METTL14: variants seen among roughly 807,000 people sequenced by gnomAD.
METTL14 encodes N(6)-adenosine-methyltransferase non-catalytic subunit METTL14.
A neutral mutation model predicts 62.4 loss-of-function variants in METTL14; 32 were observed. The observed-to-expected ratio is 0.51, with a 90% confidence interval of 0.39 to 0.69. The LOEUF (loss-of-function observed/expected upper bound fraction) is 0.69, where lower values mean the gene tolerates loss of function less well. Among genes scored for constraint, METTL14 ranks in the 30% least tolerant of loss-of-function variants. The pLI, the probability that METTL14 is intolerant of heterozygous loss-of-function variation, is 0.00. For synonymous variants in METTL14, 150 were observed against 180.0 expected (o/e 0.83, Z 1.34); for missense variants, 340 against 551.9 (o/e 0.62, Z 3.85).
intron 10 of METTL14, among the ~76,000 whole-genome samples, chr4:118,707,247 C>T (rs1432490542): frequency 6.6e-6 from 1 of 151,908 alleles, no homozygotes; most frequent in East Asian, 1.9e-4. Context: ...GAAAGAAACT[C>T]TTGCAAAAAT....
chr4:118,692,417 C>T (rs922291605), intron 5 of METTL14, among the ~76,000 whole-genome samples: 11 of 151,410 alleles, frequency 7.3e-5, no homozygotes, highest in African/African-American at 2.2e-4. Flanking sequence ...TTAGTAGAGA[C>T]GAGGTTTCAC....
At chr4:118,687,789 TTGTGTGTG>T (rs58763837) in intron 1 of METTL14, 126 bp from the exon 2 acceptor site, 17 of 578,524 alleles carry the variant, frequency 2.9e-5, no homozygotes, top group Non-Finnish European at 4.8e-5. Flanking sequence ...ATTCATTGTT[TTGTGTGTG>T]TGTGTGTGTG....
chr4:118,705,833 G>C lies in METTL14; in HGVS notation c.1066+12G>C. The C allele has an allele frequency of 6.3e-7, 1 of 1,592,942 alleles. No homozygotes were observed. Among genetic ancestry groups the C allele is most frequent in the African/African-American group, 1.3e-5 (1 of 74,396 alleles). ...TACAATTCGACCAGGTAGGACCTCA[G>C]TTAACAACAACTTTTATGATTCTTT... On this transcript the variant is annotated intron_variant, in intron 10 of 10. Transcript: ENST00000388822.
rs899680259 is a variant in METTL14 at position 118,713,867 on chromosome 4, G to A, written c.*3565G>A. ...CTCTCAATAACTCTATCATTTACTCGTATAAATATTGCTAGCTGTAATGCA... is the reference window on the plus strand; with the variant it reads ...CTCTCAATAACTCTATCATTTACTCATATAAATATTGCTAGCTGTAATGCA... On this transcript the variant is annotated 3_prime_UTR_variant, in exon 11 of 11. Coordinates refer to ENST00000388822, the MANE Select transcript of METTL14 (RefSeq NM_020961.4). The A allele has an allele frequency of 4.6e-5, 7 of 152,232 alleles. No individual in the cohort carries two copies. The highest frequency in any genetic ancestry group is 6.5e-5 in the Admixed American group (1 of 15,300). 9.4% of individuals were successfully genotyped at this position (152,232 alleles called of 1,614,324 possible).
chr4:118,686,322 A>G (rs1188975381), intron 1 of METTL14, among the ~76,000 whole-genome samples: 1 of 152,238 alleles, frequency 6.6e-6, no homozygotes, highest in Non-Finnish European at 1.5e-5. Context: ...TGTATGAGTA[A>G]GTTAACATTT....
Position 118,692,114 on chromosome 4 carries a change from CA to C in METTL14, c.412+47del, listed in dbSNP as rs759470258. ...CTACGCTATTGCTGACTCTCAATTA[CA>C]TGCATGTAATTTATCCAATTTGTGG... On this transcript the variant is annotated intron_variant, in intron 5 of 10. Transcript: ENST00000388822. 2.1e-4 allele frequency: 233 copies of C among 1,084,626 alleles called. 1 individual carries two copies. Among genetic ancestry groups the C allele is most frequent in the Admixed American group, 8.6e-5 (4 of 46,760 alleles). 67.2% of individuals were successfully genotyped at this position (1,084,626 alleles called of 1,614,324 possible).
chr4:118,700,951 A>G (rs1186776496), intron 8 of METTL14, among the ~76,000 whole-genome samples: 2 of 152,158 alleles, frequency 1.3e-5, no homozygotes, highest in African/African-American at 4.8e-5. Flanking sequence ...GGTATCATTT[A>G]CAATTCTTTA....
chr4:118,685,974 C>CT (rs1724043180), intron 1 of METTL14, among the ~76,000 whole-genome samples: 1 of 152,144 alleles, frequency 6.6e-6, no homozygotes, highest in East Asian at 1.9e-4. Context: ...GCCCCAAATT[C>CT]TTGAGATTGT....
chr4:118,695,519 A>G (rs1433140136), intron 6 of METTL14, among the ~76,000 whole-genome samples: 1 of 152,158 alleles, frequency 6.6e-6, no homozygotes, highest in Non-Finnish European at 1.5e-5. Flanking sequence ...ATTGCACTTT[A>G]GCCTGGGTGA....
chr4:118,701,663 C>T (rs1273559385), intron 8 of METTL14, among the ~76,000 whole-genome samples: 1 of 152,114 alleles, frequency 6.6e-6, no homozygotes, highest in Non-Finnish European at 1.5e-5. Flanking sequence ...AATTTTGTCA[C>T]ATTTTATTGG....
intron 9 of METTL14, among the ~76,000 whole-genome samples, chr4:118,705,155 G>T (rs1336506804): frequency 6.6e-6 from 1 of 152,140 alleles, no homozygotes; most frequent in East Asian, 1.9e-4. Flanking sequence ...CAGAGATCCA[G>T]GTTTTCCTGT....
intron 2 of METTL14, among the ~76,000 whole-genome samples, chr4:118,689,086 T>C (rs1724164861): frequency 6.6e-6 from 1 of 152,226 alleles, no homozygotes; most frequent in Admixed American, 6.5e-5. Flanking sequence ...TACGTCTGTT[T>C]TGCTCAAAAC....
At chr4:118,702,048 C>G (rs561588021) in intron 8 of METTL14, among the ~76,000 whole-genome samples, 1 of 151,042 alleles carries the variant, frequency 6.6e-6, no homozygotes, top group East Asian at 1.9e-4. Context: ...TTTGTTTTAA[C>G]TTTAATATCT....
Position 118,685,618 on chromosome 4 carries a change from C to A in METTL14, c.66+18C>A. On this transcript the variant is annotated intron_variant, in intron 1 of 10. Coordinates refer to ENST00000388822, the MANE Select transcript of METTL14 (RefSeq NM_020961.4). ...CGCAGCAGGTCCGCGGCCCTGGTGT[C>A]CCCTGTGGGAGGGATCGAGAATGCG... The A allele has an allele frequency of 1.2e-6, 2 of 1,612,776 alleles. No individual in the cohort carries two copies. Among genetic ancestry groups the A allele is most frequent in the Non-Finnish European group, 1.7e-6 (2 of 1,179,008 alleles).
intron 6 of METTL14, among the ~76,000 whole-genome samples, chr4:118,695,662 G>A (rs547080339): frequency 1.3e-5 from 2 of 152,210 alleles, no homozygotes; most frequent in South Asian, 2.1e-4. Flanking sequence ...ATTAATTACA[G>A]CTTAGCATTC....
chr4:118,694,992 T>G (rs1332684050), intron 6 of METTL14, among the ~76,000 whole-genome samples: 2 of 150,974 alleles, frequency 1.3e-5, no homozygotes, highest in South Asian at 2.1e-4. Flanking sequence ...CCACCATGCC[T>G]GGCTAATTTT....
At position 118,692,943 on chromosome 4, in the gene METTL14, A is replaced by G. The variant is rs950972877; in HGVS notation, c.412+875A>G. Among the ~76,000 whole-genome samples, 3 of 152,146 alleles carry G rather than the reference A, an allele frequency of 2.0e-5. No individual in the cohort carries two copies. The South Asian group carries it at 6.2e-4, about 32-fold the overall frequency. On this transcript the variant is annotated intron_variant, in intron 5 of 10. Transcript: ENST00000388822. ...ATTATACAATGTGTGGTGGTTTGTC[A>G]CTGGCTTCTTTCACTTAGCATATTT... is the stretch of plus-strand genomic sequence containing the variant.
At position 118,687,930 on chromosome 4, in the gene METTL14, C is replaced by T. The variant is rs1724124844; in HGVS notation, c.74C>T (p.Ala25Val). The change falls in exon 2 of 11, where the codon GCT becomes GTT. Residue 25 changes from alanine to valine, a missense_variant. Ala to Val is a moderately conservative substitution (Grantham distance 64, BLOSUM62 0). Coordinates refer to ENST00000388822, the MANE Select transcript of METTL14 (RefSeq NM_020961.4). The stretch of plus-strand genomic sequence containing the variant: ...GATTTTGTCTTTTCTCAGTTGGGAG[C>T]TGAAAGTGCCGACAGCATTGGTGCC... The part of the protein sequence containing the change: ...RRQLLAQQLG[A>V]ESADSIGAVL... 1.2e-6 allele frequency: 2 copies of T among 1,613,166 alleles called. No individual in the cohort carries two copies. The highest frequency in any genetic ancestry group is 3.3e-5 in the Admixed American group (2 of 59,892).
intron 6 of METTL14, among the ~76,000 whole-genome samples, chr4:118,696,674 G>T (rs1013440960): frequency 6.6e-6 from 1 of 152,132 alleles, no homozygotes; most frequent in East Asian, 1.9e-4. Context: ...AGCATGAAAA[G>T]ACTCTTAATA....
Sources: gnomAD v4.1 joint callset for allele counts (sites outside exome capture counted in the v4.1 genomes callset) on GRCh38, gnomAD v4.1.1 for gene constraint, MANE v1.5 for transcripts, NCBI Gene and HGNC (gene_info 2026-07-23, HGNC 2026-07-21) for gene names.